Variants in MITF observed in about 807,000 individuals in gnomAD.
The protein encoded by MITF is melanocyte inducing transcription factor, also known as microphthalmia-associated transcription factor.
In MITF, 17 loss-of-function variants were observed where a neutral mutation model predicts 60.5. The ratio of observed to expected loss-of-function variants is 0.28; its 90% CI spans 0.19 to 0.42. The LOEUF (loss-of-function observed/expected upper bound fraction) is 0.42. Ranked by LOEUF, MITF falls within the 10% of genes least tolerant of loss-of-function variation. The pLI is 1.00. For missense variants in MITF, 622 were observed against 683.5 expected, an observed-to-expected ratio of 0.91 and a Z score of 1.00; for synonymous variants, 260 against 248.5, an observed-to-expected ratio of 1.05 and a Z score of -0.43.
At chr3:69,813,336 G>C (rs956142522) in intron 1 of MITF, among the ~76,000 whole-genome samples, 2 of 152,174 alleles carry the variant, frequency 1.3e-5, no homozygotes, top group African/African-American at 4.8e-5. Context: ...TTTACACCAA[G>C]TGGAATAAGT....
At chr3:69,918,947 T>A (rs961555622) in intron 2 of MITF, among the ~76,000 whole-genome samples, 1 of 152,174 alleles carries the variant, frequency 6.6e-6, no homozygotes, top group Non-Finnish European at 1.5e-5. Flanking sequence ...GAATAAAAAA[T>A]TTTGCATTAT....
At chr3:69,748,722 G>A (rs1319673375) in intron 1 of MITF, among the ~76,000 whole-genome samples, 2 of 152,228 alleles carry the variant, frequency 1.3e-5, no homozygotes, top group African/African-American at 4.8e-5. Context: ...CTTCTCCAAA[G>A]TGGGGTAACT....
chr3:69,742,056 C>T (rs1222054099), intron 1 of MITF, among the ~76,000 whole-genome samples: 1 of 152,200 alleles, frequency 6.6e-6, no homozygotes, highest in South Asian at 2.1e-4. Flanking sequence ...TTACCACCTC[C>T]TCTGCTACCA....
At chr3:69,745,688 A>T (rs147533074) in intron 1 of MITF, among the ~76,000 whole-genome samples, 2 of 152,280 alleles carry the variant, frequency 1.3e-5, no homozygotes, top group African/African-American at 4.8e-5. Flanking sequence ...ATGGTGGCAG[A>T]GAGGCTGCAT....
intron 1 of MITF, among the ~76,000 whole-genome samples, chr3:69,839,363 C>A (rs1415872502): frequency 1.3e-5 from 2 of 149,330 alleles, no homozygotes; most frequent in Non-Finnish European, 1.5e-5. Flanking sequence ...GTATGAGGAA[C>A]AAAATCATGT....
intron 1 of MITF, among the ~76,000 whole-genome samples, chr3:69,877,620 T>C (rs896273880): frequency 1.3e-5 from 2 of 152,222 alleles, no homozygotes; most frequent in African/African-American, 4.8e-5. Context: ...CTGAGCCAAT[T>C]TCCTGTTGTG....
In MITF at chr3:69,965,433, T is replaced by G; in HGVS notation, c.*185T>G. On this transcript the variant is annotated 3_prime_UTR_variant, in exon 10 of 10. Transcript: ENST00000352241. ...GTGAAACAGACTTGTATATTCTATT[T>G]TACAACTACAAATGCCTCCAAAGTA... 1.6e-6 allele frequency: 1 copy of G among 606,064 alleles called. No individual in the cohort carries two copies. The highest frequency in any genetic ancestry group is 2.1e-5 in the South Asian group (1 of 47,018). 37.5% of individuals were successfully genotyped at this position (606,064 alleles called of 1,614,324 possible).
At chr3:69,896,953 A>G (rs1398590550) in intron 2 of MITF, among the ~76,000 whole-genome samples, 2 of 152,214 alleles carry the variant, frequency 1.3e-5, no homozygotes, top group African/African-American at 4.8e-5. Flanking sequence ...AAGTAGGGTT[A>G]TACCCAAAAG....
intron 1 of MITF, among the ~76,000 whole-genome samples, chr3:69,826,348 A>G (rs184980689): frequency 8.1e-4 from 123 of 152,302 alleles, no homozygotes; most frequent in African/African-American, 2.9e-3. Flanking sequence ...GTTCATGATT[A>G]TGTTTGGGAA....
At chr3:69,863,786 T>C (rs2064060134) in intron 1 of MITF, among the ~76,000 whole-genome samples, 2 of 152,184 alleles carry the variant, frequency 1.3e-5, no homozygotes, top group Non-Finnish European at 2.9e-5. Flanking sequence ...GGTCTTGAAC[T>C]CCTGGTCTTA....
At chr3:69,894,483 C>G (rs1056829140) in intron 2 of MITF, among the ~76,000 whole-genome samples, 1 of 152,020 alleles carries the variant, frequency 6.6e-6, no homozygotes, top group Admixed American at 6.5e-5. Flanking sequence ...GTCAGGAGTT[C>G]GAGACCAGCC....
intron 1 of MITF, among the ~76,000 whole-genome samples, chr3:69,818,438 T>A (rs570475501): frequency 6.6e-6 from 1 of 152,220 alleles, no homozygotes; most frequent in Non-Finnish European, 1.5e-5. Context: ...CAGTCAAATC[T>A]TAGCTTCAGT....
chr3:69,967,400 TG>T lies in MITF; in HGVS notation c.*2159del, dbSNP rs550555819. On this transcript the variant is annotated 3_prime_UTR_variant, in exon 10 of 10. Transcript: ENST00000352241. ...GTCTATTTTTCTCTTCATATTTATA[TG>T]GGGGGGAGGGCGCTGGATGCAAAAG... 9.9e-5 allele frequency: 23 copies of T among 232,616 alleles called. No homozygotes were observed. The highest frequency in any genetic ancestry group is 1.3e-3 in the Middle Eastern group (1 of 778). 14.4% of individuals were successfully genotyped at this position (232,616 alleles called of 1,614,324 possible). A position where few individuals can be genotyped will look rare whatever the true frequency, so the allele number is the denominator to read the frequency against.
chr3:69,866,210 CT>C, intron 1 of MITF: 1 of 1,599,256 alleles, frequency 6.3e-7, no homozygotes, highest in South Asian at 1.1e-5. Flanking sequence ...GGAGCCACCC[CT>C]AGTGACACAG....
intron 2 of MITF, among the ~76,000 whole-genome samples, chr3:69,915,192 C>G (rs1267652470): frequency 6.6e-6 from 1 of 152,160 alleles, no homozygotes; most frequent in African/African-American, 2.4e-5. Context: ...AGTAGAGATA[C>G]TACCTGTCTC....
At chr3:69,879,034 A>G (rs942417564) in intron 1 of MITF, 100 bp from the exon 2 acceptor site, 1 of 905,608 alleles carries the variant, frequency 1.1e-6, no homozygotes, top group Non-Finnish European at 1.8e-6. Context: ...ATTTGCGCAG[A>G]CTCATTTTAT....
intron 2 of MITF, among the ~76,000 whole-genome samples, chr3:69,897,866 C>T (rs1447248172): frequency 6.6e-6 from 1 of 152,224 alleles, no homozygotes; most frequent in Non-Finnish European, 1.5e-5. Context: ...AAAGTCAAGT[C>T]TACCTGAGTC....
intron 1 of MITF, among the ~76,000 whole-genome samples, chr3:69,778,108 G>C (rs928617521): frequency 6.6e-6 from 1 of 152,066 alleles, no homozygotes; most frequent in African/African-American, 2.4e-5. Flanking sequence ...AGAATCGTAG[G>C]GTGGGTGATT....
intron 1 of MITF, among the ~76,000 whole-genome samples, chr3:69,873,765 C>G (rs984545061): frequency 6.6e-6 from 1 of 152,206 alleles, no homozygotes; most frequent in South Asian, 2.1e-4. Flanking sequence ...CATGTTCCAG[C>G]TCTCCTACTA....
Sources: allele counts gnomAD v4.1 joint callset (sites outside exome capture counted in the v4.1 genomes callset), GRCh38; gene constraint gnomAD v4.1.1; transcripts MANE v1.5; gene names NCBI Gene and HGNC (gene_info 2026-07-23, HGNC 2026-07-21).